The following BTBD10 variants were observed in gnomAD, a reference collection of about 807,000 sequenced individuals.
BTBD10 encodes the protein BTB/POZ domain-containing protein 10.
Under a neutral mutation model 53.2 loss-of-function variants are expected in BTBD10, and 21 were observed. That is an observed-to-expected ratio of 0.39 (90% CI 0.28 to 0.57). BTBD10 has a LOEUF of 0.57. Ranked by LOEUF, BTBD10 falls within the 20% of genes least tolerant of loss-of-function variation. The pLI, the probability that BTBD10 is intolerant of heterozygous loss-of-function variation, is 0.53. For missense variants in BTBD10, 360 were observed against 594.7 expected (o/e 0.61, Z 4.10); for synonymous variants, 149 against 192.7 (o/e 0.77, Z 1.88).
In BTBD10 at chr11:13,394,721, T is replaced by C. The variant is rs547464520; in HGVS notation, c.1118-5580A>G. ...CTCCCCCAACCCCACAACAGTCCCG[T>C]GTGTGATGTTGCCCTTCCTGTGTCC... On this transcript the variant is annotated intron_variant, in intron 8 of 8. Coordinates refer to ENST00000278174, the MANE Select transcript of BTBD10 (RefSeq NM_032320.7). 1.4e-4 allele frequency among the ~76,000 whole-genome samples: 19 copies of C among 132,410 alleles called. No homozygotes were observed. The South Asian group carries it at 5.3e-3, about 37-fold the overall frequency. 86.9% of individuals were successfully genotyped at this position (132,410 alleles called of 152,430 possible). A position where few individuals can be genotyped will look rare whatever the true frequency, so the allele number is the denominator to read the frequency against.
intron 2 of BTBD10, among the ~76,000 whole-genome samples, chr11:13,439,360 T>C (rs1229094913): frequency 2.0e-5 from 3 of 152,098 alleles, no homozygotes; most frequent in African/African-American, 7.2e-5. Flanking sequence ...AGATCATCTA[T>C]TCAGTTTCTG....
chr11:13,409,722 A>G lies in BTBD10; in HGVS notation c.808+3808T>C, dbSNP rs547002055. ...AATGATTCTCCACAGACCCTTTGTC[A>G]TACACTTCTAATAATATCTCATTTC... On this transcript the variant is annotated intron_variant, in intron 6 of 8. Coordinates refer to ENST00000278174, the MANE Select transcript of BTBD10 (RefSeq NM_032320.7). 2.0e-5 allele frequency among the ~76,000 whole-genome samples: 3 copies of G among 152,288 alleles called. No homozygotes were observed. The South Asian group carries it at 6.2e-4, about 32-fold the overall frequency.
At chr11:13,431,442 A>C (rs895594560) in intron 2 of BTBD10, among the ~76,000 whole-genome samples, 2 of 152,092 alleles carry the variant, frequency 1.3e-5, no homozygotes, top group South Asian at 4.1e-4. Context: ...ACTTCCAAGC[A>C]CCTCTAGTTA....
At chr11:13,411,082 G>A (rs1201386048) in intron 6 of BTBD10, among the ~76,000 whole-genome samples, 1 of 152,112 alleles carries the variant, frequency 6.6e-6, no homozygotes, top group Non-Finnish European at 1.5e-5. Context: ...ATACCAGAGA[G>A]GACAACCAGT....
intron 8 of BTBD10, among the ~76,000 whole-genome samples, chr11:13,393,027 G>C (rs1429230698): frequency 6.6e-6 from 1 of 152,160 alleles, no homozygotes; most frequent in African/African-American, 2.4e-5. Flanking sequence ...TCCATTAAGG[G>C]ATAAGTGAAA....
At chr11:13,399,640 C>T (rs897167100) in intron 8 of BTBD10, among the ~76,000 whole-genome samples, 9 of 152,126 alleles carry the variant, frequency 5.9e-5, no homozygotes, top group Non-Finnish European at 8.8e-5. Flanking sequence ...TTAGAGTTTC[C>T]GGTTTTGCTG....
intron 4 of BTBD10, among the ~76,000 whole-genome samples, chr11:13,419,204 ATAACTAAT>A (rs1950190897): frequency 6.6e-6 from 1 of 152,136 alleles, no homozygotes; most frequent in African/African-American, 2.4e-5. Flanking sequence ...CCTGACTTCA[ATAACTAAT>A]ATATTTGCTA....
At position 13,398,056 on chromosome 11, in the gene BTBD10, G is replaced by C. The variant is rs528147062; in HGVS notation, c.1117+5112C>G. ...GGGGAATTCTGTAGATGTCTATTAG[G>C]TCTGCTTGGTGCAGAGCTGAGTTCA... is the stretch of plus-strand genomic sequence containing the variant. On this transcript the variant is annotated intron_variant, in intron 8 of 8. Coordinates refer to ENST00000278174, the MANE Select transcript of BTBD10 (RefSeq NM_032320.7). Among the ~76,000 whole-genome samples the C allele has an allele frequency of 2.2e-3, 342 of 152,286 alleles. 1 individual carries two copies. The highest frequency in any genetic ancestry group is 7.9e-3 in the African/African-American group (327 of 41,556).
intron 1 of BTBD10, among the ~76,000 whole-genome samples, chr11:13,460,888 G>T (rs1393243194): frequency 6.6e-6 from 1 of 152,196 alleles, no homozygotes; most frequent in Non-Finnish European, 1.5e-5. Flanking sequence ...ACAATAAAGA[G>T]CTTCTAAATA....
At position 13,403,841 on chromosome 11, in the gene BTBD10, C is replaced by T. The variant is rs182143634; in HGVS notation, c.1007-563G>A. On this transcript the variant is annotated intron_variant, in intron 7 of 8. Transcript: ENST00000278174. ...ATACTGATGTTAAAAATGGCAGATT[C>T]GAGCAAGTTCTGCCTAGGTTAGTCT... Among the ~76,000 whole-genome samples the T allele has an allele frequency of 5.5e-4, 84 of 152,266 alleles. 1 individual carries two copies. Among genetic ancestry groups the T allele is most frequent in the Admixed American group, 5.3e-3 (81 of 15,286 alleles).
At chr11:13,409,835 C>G (rs1005934585) in intron 6 of BTBD10, among the ~76,000 whole-genome samples, 2 of 152,180 alleles carry the variant, frequency 1.3e-5, no homozygotes, top group African/African-American at 4.8e-5. Context: ...GGGACAATGT[C>G]TGTCTTTATT....
At chr11:13,436,877 G>A (rs1287654509) in intron 2 of BTBD10, among the ~76,000 whole-genome samples, 1 of 152,122 alleles carries the variant, frequency 6.6e-6, no homozygotes, top group Non-Finnish European at 1.5e-5. Context: ...TGCCTCCTGG[G>A]TTCAAGCAAT....
intron 8 of BTBD10, among the ~76,000 whole-genome samples, chr11:13,391,440 C>CT (rs1487074437): frequency 2.6e-5 from 2 of 76,284 alleles, no homozygotes; most frequent in African/African-American, 1.0e-4. Context: ...CAGAACTAAA[C>CT]TGTAACTAAA....
chr11:13,438,184 C>T (rs889840743), intron 2 of BTBD10, among the ~76,000 whole-genome samples: 6 of 151,956 alleles, frequency 3.9e-5, no homozygotes, highest in African/African-American at 1.4e-4. Flanking sequence ...GTGGTCTTGA[C>T]ATTTTTCTGA....
chr11:13,418,982 TTTTTTTTTTA>T (rs1172814223), intron 4 of BTBD10, among the ~76,000 whole-genome samples: 1 of 149,716 alleles, frequency 6.7e-6, no homozygotes, highest in African/African-American at 2.4e-5. Flanking sequence ...TTTTTTTTTT[TTTTTTTTTTA>T]AAAGTATCTA....
At chr11:13,403,335 T>C (rs1305456803) in intron 7 of BTBD10, 57 bp from the exon 8 acceptor site, 12 of 1,009,674 alleles carry the variant, frequency 1.2e-5, no homozygotes, top group Non-Finnish European at 1.7e-5. Flanking sequence ...AGAGATGAAC[T>C]TAAATTTATC....
intron 2 of BTBD10, among the ~76,000 whole-genome samples, chr11:13,427,117 T>C (rs1950353969): frequency 6.6e-6 from 1 of 152,076 alleles, no homozygotes; most frequent in African/African-American, 2.4e-5. Context: ...CTCAGGAGGC[T>C]GAGGTGGGAG....
intron 2 of BTBD10, among the ~76,000 whole-genome samples, chr11:13,425,557 C>T (rs1016617126): frequency 6.6e-6 from 1 of 152,150 alleles, no homozygotes; most frequent in African/African-American, 2.4e-5. Context: ...ACTATAACCA[C>T]AGCCCTCCAA....
At chr11:13,459,132 C>T (rs307244) in intron 1 of BTBD10, among the ~76,000 whole-genome samples, 32,620 of 148,440 alleles carry the variant, frequency 0.22, 4,395 homozygotes, top group East Asian at 0.51. Context: ...TCTCGGCTCA[C>T]TGCAAGCTCC....
Sources: gnomAD v4.1 joint callset for allele counts (sites outside exome capture counted in the v4.1 genomes callset) on GRCh38, gnomAD v4.1.1 for gene constraint, MANE v1.5 for transcripts, NCBI Gene and HGNC (gene_info 2026-07-23, HGNC 2026-07-21) for gene names.